CHCHD3: variants seen among roughly 807,000 people sequenced by gnomAD.
CHCHD3 encodes the protein coiled-coil-helix-coiled-coil-helix domain containing 3.
In CHCHD3, 20 loss-of-function variants were observed where a neutral mutation model predicts 38.2. The observed-to-expected ratio is 0.52, with a 90% CI of 0.37 to 0.76. CHCHD3 has a LOEUF of 0.76. Ranked by LOEUF, CHCHD3 falls within the 30% of genes least tolerant of loss-of-function variation. The pLI is 0.00. For synonymous variants in CHCHD3, 82 were observed against 100.0 expected (o/e 0.82, Z 1.07); for missense variants, 245 against 279.2 (o/e 0.88, Z 0.87).
intron 6 of CHCHD3, among the ~76,000 whole-genome samples, chr7:132,834,271 A>G (rs1807721746): frequency 6.6e-6 from 1 of 152,152 alleles, no homozygotes; most frequent in South Asian, 2.1e-4. Flanking sequence ...CCTATACCCA[A>G]TGTACTATCA....
intron 4 of CHCHD3, among the ~76,000 whole-genome samples, chr7:132,961,059 G>A (rs1811304788): frequency 1.3e-5 from 2 of 152,164 alleles, no homozygotes; most frequent in East Asian, 3.9e-4. Flanking sequence ...AAGGAGGCTC[G>A]ATTGAGCCCA....
chr7:133,043,194 T>C (rs1452095081), intron 2 of CHCHD3, among the ~76,000 whole-genome samples: 3 of 152,182 alleles, frequency 2.0e-5, no homozygotes, highest in African/African-American at 7.2e-5. Flanking sequence ...ATTGTAATAA[T>C]CTTTTTATAC....
At chr7:132,789,627 G>A (rs1216684369) in intron 7 of CHCHD3, among the ~76,000 whole-genome samples, 1 of 152,164 alleles carries the variant, frequency 6.6e-6, no homozygotes, top group Non-Finnish European at 1.5e-5. Flanking sequence ...TATCATAGCA[G>A]CATGCCAGCT....
At chr7:132,861,947 T>C (rs928855385) in intron 5 of CHCHD3, among the ~76,000 whole-genome samples, 1 of 152,198 alleles carries the variant, frequency 6.6e-6, no homozygotes, top group African/African-American at 2.4e-5. Flanking sequence ...GTATAAATTG[T>C]ATTAAAGAAC....
intron 4 of CHCHD3, among the ~76,000 whole-genome samples, chr7:132,964,545 G>C (rs2117313090): frequency 6.6e-6 from 1 of 152,314 alleles, no homozygotes; most frequent in Non-Finnish European, 1.5e-5. Context: ...TCACGCCACT[G>C]CACTCCAGCC....
intron 3 of CHCHD3, chr7:133,022,411 C>T (rs6973587): frequency 0.053 from 24,231 of 456,556 alleles, 2,182 homozygotes; most frequent in Admixed American, 0.23. Context: ...CATACAATAA[C>T]GTATACATGT....
chr7:132,812,500 C>T (rs910982463), intron 6 of CHCHD3, among the ~76,000 whole-genome samples: 4 of 152,076 alleles, frequency 2.6e-5, no homozygotes, highest in Non-Finnish European at 4.4e-5. Context: ...TGAGCCACCG[C>T]GCCTGGCCTG....
chr7:132,956,659 AAC>A (rs1242271643), intron 4 of CHCHD3, among the ~76,000 whole-genome samples: 1 of 152,222 alleles, frequency 6.6e-6, no homozygotes, highest in Non-Finnish European at 1.5e-5. Flanking sequence ...TTCAAGTAAG[AAC>A]ACACAGAGGC....
chr7:132,975,338 T>C (rs1247270279), intron 3 of CHCHD3, 52 bp from the exon 4 acceptor site: 1 of 1,401,658 alleles, frequency 7.1e-7, no homozygotes, highest in South Asian at 1.2e-5. Context: ...TTAGTTGACA[T>C]TATTTTCTAT....
intron 3 of CHCHD3, among the ~76,000 whole-genome samples, chr7:133,021,328 G>A (rs1235851426): frequency 1.3e-5 from 2 of 152,116 alleles, no homozygotes; most frequent in East Asian, 1.9e-4. Flanking sequence ...AAAATCAGGG[G>A]CATGCAAAGA....
chr7:132,787,102 G>A (rs1212794310), intron 7 of CHCHD3, among the ~76,000 whole-genome samples: 2 of 152,106 alleles, frequency 1.3e-5, no homozygotes, highest in Non-Finnish European at 2.9e-5. Flanking sequence ...GATTCAGCAG[G>A]GGAAGAAGCC....
intron 4 of CHCHD3, among the ~76,000 whole-genome samples, chr7:132,959,920 G>C (rs1377346041): frequency 6.6e-6 from 1 of 152,006 alleles, no homozygotes; most frequent in African/African-American, 2.4e-5. Flanking sequence ...GAAAACTAGT[G>C]TATTCTGGAA....
At chr7:132,965,118 G>A (rs1452819995) in intron 4 of CHCHD3, among the ~76,000 whole-genome samples, 1 of 151,212 alleles carries the variant, frequency 6.6e-6, no homozygotes, top group Non-Finnish European at 1.5e-5. Context: ...TCACATGCAT[G>A]GCGATTAGTT....
chr7:132,987,939 A>C (rs1205315603), intron 3 of CHCHD3, among the ~76,000 whole-genome samples: 1 of 152,012 alleles, frequency 6.6e-6, no homozygotes, highest in African/African-American at 2.4e-5. Flanking sequence ...TAATAAATAT[A>C]TTTTTTCTTG....
chr7:132,986,404 A>G (rs11767941), intron 3 of CHCHD3, among the ~76,000 whole-genome samples: 1 of 122,460 alleles, frequency 8.2e-6, no homozygotes, highest in Non-Finnish European at 1.7e-5. Flanking sequence ...AATAAAAAAA[A>G]GAAAAAGAAA....
intron 4 of CHCHD3, among the ~76,000 whole-genome samples, chr7:132,954,147 C>T (rs1208483223): frequency 2.0e-5 from 3 of 152,044 alleles, no homozygotes; most frequent in Non-Finnish European, 2.9e-5. Context: ...CAGCAGCAGG[C>T]CTGCCATGTG....
chr7:132,920,879 A>G (rs2117237656), intron 4 of CHCHD3, among the ~76,000 whole-genome samples: 1 of 152,194 alleles, frequency 6.6e-6, no homozygotes, highest in East Asian at 1.9e-4. Flanking sequence ...TATAATTTGT[A>G]ATGAAAACAG....
At chr7:132,913,757 G>A (rs1474551311) in intron 4 of CHCHD3, among the ~76,000 whole-genome samples, 2 of 152,128 alleles carry the variant, frequency 1.3e-5, no homozygotes, top group Non-Finnish European at 2.9e-5. Context: ...GCAGCAGAGG[G>A]AAGGAAAGAA....
At position 132,973,896 on chromosome 7, in the gene CHCHD3, G is replaced by A. The variant is rs76293635; in HGVS notation, c.369+1273C>T. On this transcript the variant is annotated intron_variant, in intron 4 of 7. Coordinates refer to ENST00000262570, the MANE Select transcript of CHCHD3 (RefSeq NM_017812.4). ...TCCATGGTCCCATTTTCCCTGTCCA[G>A]TGAGTTCCCAACTGTGCTCCAATGA... is the stretch of plus-strand genomic sequence containing the variant. 4,677 of 1,214,724 alleles carry A rather than the reference G, an allele frequency of 3.9e-3. 159 individuals carry two copies. In the African/African-American group the frequency reaches 0.067, roughly 17 times the overall value. 75.2% of individuals were successfully genotyped at this position (1,214,724 alleles called of 1,614,324 possible).
Sources: allele counts gnomAD v4.1 joint callset (sites outside exome capture counted in the v4.1 genomes callset), GRCh38; gene constraint gnomAD v4.1.1; transcripts MANE v1.5; gene names NCBI Gene and HGNC (gene_info 2026-07-23, HGNC 2026-07-21).